MTHFD1L: variants seen among roughly 807,000 people sequenced by gnomAD.
MTHFD1L encodes the protein monofunctional C1-tetrahydrofolate synthase, mitochondrial.
In MTHFD1L, 81 loss-of-function variants were observed where a neutral mutation model predicts 119.5. The ratio of observed to expected loss-of-function variants is 0.68; its 90% CI spans 0.57 to 0.82. The LOEUF is 0.82. Among genes scored for constraint, MTHFD1L ranks in the 40% least tolerant of loss-of-function variants. MTHFD1L has a pLI of 0.00. For synonymous variants in MTHFD1L, 430 were observed against 475.2 expected, an observed-to-expected ratio of 0.90 and a Z score of 1.24; for missense variants, 1,125 against 1,253.4, an observed-to-expected ratio of 0.90 and a Z score of 1.55.
At chr6:151,082,382 C>T (rs937066560) in intron 26 of MTHFD1L, among the ~76,000 whole-genome samples, 2 of 152,176 alleles carry the variant, frequency 1.3e-5, no homozygotes, top group African/African-American at 4.8e-5. Context: ...CTTATCTGAC[C>T]TCAATCAAGC....
rs1178496598 is a variant in MTHFD1L, at chr6:151,101,553, T to G, written c.*59T>G. The G allele has an allele frequency of 6.6e-6, 1 of 152,614 alleles. No individual in the cohort carries two copies. The highest frequency in any genetic ancestry group is 2.1e-4 in the South Asian group (1 of 4,834). 9.5% of individuals were successfully genotyped at this position (152,614 alleles called of 1,614,324 possible). On this transcript the variant is annotated 3_prime_UTR_variant, in exon 28 of 28. Coordinates refer to ENST00000367321, the MANE Select transcript of MTHFD1L (RefSeq NM_015440.5). ...TCCTGAAACAGACTACTCTTTGCCT[T>G]TTTGCTGCAGTTGGAGAAGAAACTG...
intron 1 of MTHFD1L, chr6:150,866,327 G>C (rs1233425823): frequency 2.1e-6 from 3 of 1,455,474 alleles, no homozygotes; most frequent in Non-Finnish European, 2.7e-6. Context: ...CCGCACGCCC[G>C]GCTCCACGTG....
At chr6:150,919,567 C>T (rs1788553252) in intron 9 of MTHFD1L, among the ~76,000 whole-genome samples, 1 of 152,150 alleles carries the variant, frequency 6.6e-6, no homozygotes, top group Admixed American at 6.5e-5. Flanking sequence ...ATAACACAGG[C>T]ATCTGCTTCT....
At chr6:151,000,292 G>A (rs994788938) in intron 20 of MTHFD1L, among the ~76,000 whole-genome samples, 1 of 150,740 alleles carries the variant, frequency 6.6e-6, no homozygotes, top group Admixed American at 6.6e-5. Flanking sequence ...AGCCGAGATC[G>A]TGCCACTGCA....
At chr6:150,889,701 A>T (rs1365842969) in intron 7 of MTHFD1L, among the ~76,000 whole-genome samples, 1 of 152,224 alleles carries the variant, frequency 6.6e-6, no homozygotes, top group Non-Finnish European at 1.5e-5. Context: ...CTCACCAGTC[A>T]TATTGGCAGT....
chr6:151,048,308 G>A (rs1788429162), intron 26 of MTHFD1L, among the ~76,000 whole-genome samples: 1 of 152,074 alleles, frequency 6.6e-6, no homozygotes, highest in South Asian at 2.1e-4. Flanking sequence ...AAGGTTTACT[G>A]CAGTTACTTC....
chr6:150,964,177 T>C (rs1335751613), intron 18 of MTHFD1L, among the ~76,000 whole-genome samples: 2 of 152,200 alleles, frequency 1.3e-5, no homozygotes, highest in Non-Finnish European at 2.9e-5. Flanking sequence ...AGAATGTGAA[T>C]ATTGACATCA....
intron 19 of MTHFD1L, among the ~76,000 whole-genome samples, chr6:150,966,915 G>C (rs1008782677): frequency 1.3e-5 from 2 of 152,194 alleles, no homozygotes. Flanking sequence ...AGCTGAGGAA[G>C]GGAGGACTGA....
chr6:150,876,016 C>G (rs2073067), intron 1 of MTHFD1L, 74 bp from the exon 2 acceptor site: 422,720 of 1,201,496 alleles, frequency 0.35, 76,078 homozygotes, highest in Middle Eastern at 0.37. Flanking sequence ...GGAACTTTCA[C>G]AGAAAATGTG....
chr6:151,018,564 A>G (rs1783484042), intron 24 of MTHFD1L, among the ~76,000 whole-genome samples: 1 of 152,186 alleles, frequency 6.6e-6, no homozygotes, highest in Admixed American at 6.5e-5. Context: ...TCAGTGTCCC[A>G]TAGCTAGGAA....
At chr6:151,009,703 G>A in intron 20 of MTHFD1L, 116 bp from the exon 21 acceptor site, 4 of 1,196,882 alleles carry the variant, frequency 3.3e-6, no homozygotes, top group Non-Finnish European at 4.8e-6. Context: ...TCACCTTTGT[G>A]TTGGTAAACA....
At chr6:150,991,720 G>C (rs1779090244) in intron 20 of MTHFD1L, among the ~76,000 whole-genome samples, 1 of 152,190 alleles carries the variant, frequency 6.6e-6, no homozygotes, top group Non-Finnish European at 1.5e-5. Context: ...AAGACATCTG[G>C]GGGAGATGAG....
chr6:150,916,838 C>G (rs2128882418), intron 8 of MTHFD1L, among the ~76,000 whole-genome samples: 1 of 138,082 alleles, frequency 7.2e-6, no homozygotes, highest in East Asian at 2.3e-4. Context: ...TCTCAGCTCA[C>G]TGCAACCTCG....
intron 24 of MTHFD1L, among the ~76,000 whole-genome samples, chr6:151,021,842 G>T (rs1783989273): frequency 6.6e-6 from 1 of 152,230 alleles, no homozygotes; most frequent in Admixed American, 6.5e-5. Context: ...TGCAAAGAAG[G>T]AGGTATGACC....
intron 24 of MTHFD1L, among the ~76,000 whole-genome samples, chr6:151,020,175 C>G (rs1483855485): frequency 6.6e-6 from 1 of 152,186 alleles, no homozygotes; most frequent in Non-Finnish European, 1.5e-5. Flanking sequence ...GCTATTCTTT[C>G]TCCACCCCAG....
chr6:150,960,632 CAT>C (rs1025429157), intron 18 of MTHFD1L, among the ~76,000 whole-genome samples: 12 of 152,292 alleles, frequency 7.9e-5, no homozygotes, highest in East Asian at 1.9e-4. Context: ...GCAACAAAAA[CAT>C]GTGAAATTTA....
At chr6:151,013,847 G>A (rs758607675) in intron 22 of MTHFD1L, 27 bp downstream of exon 22, 7 of 1,591,324 alleles carry the variant, frequency 4.4e-6, no homozygotes, top group Admixed American at 1.7e-5. Context: ...AGATGCTTAT[G>A]TGAAGAATCT....
At chr6:150,878,537 C>G (rs1209319713) in intron 4 of MTHFD1L, among the ~76,000 whole-genome samples, 1 of 152,188 alleles carries the variant, frequency 6.6e-6, no homozygotes, top group African/African-American at 2.4e-5. Flanking sequence ...CAAGTGTGAG[C>G]TACTGTGCCC....
intron 26 of MTHFD1L, among the ~76,000 whole-genome samples, chr6:151,082,019 A>ACAT (rs1793241335): frequency 6.6e-6 from 1 of 152,158 alleles, no homozygotes; most frequent in Admixed American, 6.5e-5. Context: ...CCAGCCCACA[A>ACAT]CATCACAGTT....
Sources: allele counts gnomAD v4.1 joint callset (sites outside exome capture counted in the v4.1 genomes callset), GRCh38; gene constraint gnomAD v4.1.1; transcripts MANE v1.5; gene names NCBI Gene and HGNC (gene_info 2026-07-23, HGNC 2026-07-21).